The following REC114 variants were observed in gnomAD, a reference collection of about 807,000 sequenced individuals.
The protein encoded by REC114 is REC114 meiotic recombination protein.
REC114 carries 27 observed loss-of-function variants against 31.3 expected under a neutral mutation model. The observed-to-expected ratio is 0.86, with a 90% CI of 0.64 to 1.19. The LOEUF (loss-of-function observed/expected upper bound fraction) is 1.19, where lower values mean the gene tolerates loss of function less well. Ranked by LOEUF, REC114 falls within the 50% of genes most tolerant of loss-of-function variation. The pLI is 0.00. For missense variants in REC114, 344 were observed against 326.9 expected (o/e 1.05, Z -0.40); for synonymous variants, 134 against 127.7 (o/e 1.05, Z -0.33).
chr15:73,447,787 G>A (rs1595857585), intron 1 of REC114, among the ~76,000 whole-genome samples: 1 of 152,190 alleles, frequency 6.6e-6, no homozygotes, highest in East Asian at 1.9e-4. Context: ...TTCCAACTGA[G>A]GTACCTGGTT....
At chr15:73,535,882 AC>A (rs1555404241) in intron 2 of REC114, among the ~76,000 whole-genome samples, 1 of 151,588 alleles carries the variant, frequency 6.6e-6, no homozygotes, top group Non-Finnish European at 1.5e-5. Flanking sequence ...CATATCTACA[AC>A]TATCTGATCT....
At chr15:73,559,460 T>C (rs1051474127) in intron 5 of REC114, among the ~76,000 whole-genome samples, 9 of 152,186 alleles carry the variant, frequency 5.9e-5, no homozygotes, top group Admixed American at 5.9e-4. Flanking sequence ...CACAGTATTC[T>C]TCATTAAAGT....
intron 1 of REC114, among the ~76,000 whole-genome samples, chr15:73,461,022 G>A (rs1448696645): frequency 6.6e-6 from 1 of 152,068 alleles, no homozygotes; most frequent in African/African-American, 2.4e-5. Context: ...TGTGGTAAAA[G>A]GGGAATTACA....
intron 2 of REC114, among the ~76,000 whole-genome samples, chr15:73,502,982 C>T (rs1893622624): frequency 6.6e-6 from 1 of 152,174 alleles, no homozygotes; most frequent in Non-Finnish European, 1.5e-5. Context: ...CACTATATAT[C>T]TATTAGAATG....
chr15:73,511,086 G>T (rs1185253146), intron 2 of REC114, among the ~76,000 whole-genome samples: 2 of 151,578 alleles, frequency 1.3e-5, no homozygotes, highest in Non-Finnish European at 3.0e-5. Flanking sequence ...ACTCTTTTTG[G>T]TTGGTAAACT....
intron 2 of REC114, among the ~76,000 whole-genome samples, chr15:73,488,865 C>T (rs987194802): frequency 6.6e-6 from 1 of 152,142 alleles, no homozygotes; most frequent in African/African-American, 2.4e-5. Context: ...AGCCTGTACC[C>T]ATTACCCAGT....
intron 2 of REC114, among the ~76,000 whole-genome samples, chr15:73,537,372 G>A (rs1312531094): frequency 6.6e-6 from 1 of 152,122 alleles, no homozygotes; most frequent in Non-Finnish European, 1.5e-5. Flanking sequence ...TGAACAAATC[G>A]ATGAAGAGCC....
chr15:73,481,053 C>T (rs532424699), intron 2 of REC114, among the ~76,000 whole-genome samples: 1 of 152,282 alleles, frequency 6.6e-6, no homozygotes, highest in Non-Finnish European at 1.5e-5. Context: ...ATTATTCAAT[C>T]ACTGGCGTGA....
chr15:73,535,496 G>C (rs1197150774), intron 2 of REC114, among the ~76,000 whole-genome samples: 46 of 151,034 alleles, frequency 3.0e-4, no homozygotes, highest in Admixed American at 4.0e-4. Context: ...TCAAGGAGAA[G>C]TACAAACCAC....
chr15:73,468,912 G>A (rs768621820), intron 1 of REC114, among the ~76,000 whole-genome samples: 2 of 151,864 alleles, frequency 1.3e-5, no homozygotes, highest in Non-Finnish European at 2.9e-5. Context: ...TTACCCATGA[G>A]TAAATAAGAA....
At chr15:73,544,324 A>G (rs1334541331) in intron 3 of REC114, among the ~76,000 whole-genome samples, 2 of 152,178 alleles carry the variant, frequency 1.3e-5, no homozygotes, top group African/African-American at 4.8e-5. Context: ...AGAGTATCTG[A>G]TGCATCTTGG....
At chr15:73,499,214 C>T (rs373679271) in intron 2 of REC114, among the ~76,000 whole-genome samples, 13 of 151,692 alleles carry the variant, frequency 8.6e-5, no homozygotes, top group Admixed American at 3.3e-4. Context: ...AAAGTAATTG[C>T]GATTTTGCCA....
At chr15:73,445,749 T>A (rs1233719811) in intron 1 of REC114, among the ~76,000 whole-genome samples, 1 of 152,160 alleles carries the variant, frequency 6.6e-6, no homozygotes, top group Non-Finnish European at 1.5e-5. Context: ...ACATACCATT[T>A]ATTAAGTTCA....
intron 2 of REC114, among the ~76,000 whole-genome samples, chr15:73,527,589 G>C (rs1894024563): frequency 6.6e-6 from 1 of 152,144 alleles, no homozygotes; most frequent in African/African-American, 2.4e-5. Flanking sequence ...ATTTTCTACT[G>C]TCTGAAAATA....
At chr15:73,548,553 A>G (rs1894343382) in intron 3 of REC114, among the ~76,000 whole-genome samples, 1 of 152,210 alleles carries the variant, frequency 6.6e-6, no homozygotes. Context: ...ACTAAAAAGT[A>G]AAAAAATAAC....
chr15:73,499,764 G>A (rs1432348277), intron 2 of REC114, among the ~76,000 whole-genome samples: 1 of 152,056 alleles, frequency 6.6e-6, no homozygotes, highest in Admixed American at 6.6e-5. Flanking sequence ...TTTCAGTCCT[G>A]TTTCCTTACA....
At chr15:73,522,651 A>T (rs893258968) in intron 2 of REC114, among the ~76,000 whole-genome samples, 9 of 152,192 alleles carry the variant, frequency 5.9e-5, no homozygotes, top group African/African-American at 2.2e-4. Flanking sequence ...ATATCACTAT[A>T]TGGATATACC....
At position 73,523,198 on chromosome 15, in the gene REC114, G is replaced by A. The variant is rs556613742; in HGVS notation, c.250-17287G>A. 3.2e-3 allele frequency among the ~76,000 whole-genome samples: 492 copies of A among 152,024 alleles called. 1 individual carries two copies. The highest frequency in any genetic ancestry group is 5.4e-3 in the Non-Finnish European group (370 of 68,000). The stretch of plus-strand genomic sequence containing the variant: ...ATGTGATAAAAGAAAAACTTCAGCC[G>A]AATTAAATTTAAAGGAGTTTAATTG... On this transcript the variant is annotated intron_variant, in intron 2 of 5. Transcript: ENST00000331090.
At chr15:73,511,752 C>T (rs1247353808) in intron 2 of REC114, among the ~76,000 whole-genome samples, 24 of 146,908 alleles carry the variant, frequency 1.6e-4, no homozygotes, top group East Asian at 7.9e-4. Context: ...AGTTGAGCGG[C>T]TTTGAGTGAG....
Sources: allele counts gnomAD v4.1 joint callset (sites outside exome capture counted in the v4.1 genomes callset), GRCh38; gene constraint gnomAD v4.1.1; transcripts MANE v1.5; gene names NCBI Gene and HGNC (gene_info 2026-07-23, HGNC 2026-07-21).